The following LRRC4C variants were observed in gnomAD, a reference collection of about 807,000 sequenced individuals.
LRRC4C encodes the protein leucine-rich repeat-containing protein 4C.
LRRC4C carries 5 observed loss-of-function variants against 33.6 expected under a neutral mutation model. The observed-to-expected ratio is 0.15, with a 90% CI of 0.08 to 0.31. The LOEUF (loss-of-function observed/expected upper bound fraction) is 0.31. LRRC4C is among the 10% of genes least tolerant of loss of function. The probability of loss-of-function intolerance (pLI) is 1.00; values close to 1 mark genes in which losing one functional copy is unlikely to be tolerated. For synonymous variants in LRRC4C, 329 were observed against 302.0 expected, an observed-to-expected ratio of 1.09 and a Z score of -0.93; for missense variants, 560 against 796.7, an observed-to-expected ratio of 0.70 and a Z score of 3.58.
chr11:41,185,792 T>C (rs956469866), intron 1 of LRRC4C, among the ~76,000 whole-genome samples: 5 of 151,732 alleles, frequency 3.3e-5, no homozygotes, highest in Admixed American at 3.3e-4. Flanking sequence ...TTCTAAACTA[T>C]AGAAAAAAGT....
chr11:40,835,741 A>C (rs1038176646), intron 2 of LRRC4C, among the ~76,000 whole-genome samples: 3 of 152,202 alleles, frequency 2.0e-5, no homozygotes, highest in African/African-American at 7.2e-5. Context: ...GTATATTTAC[A>C]AAACACCAAA....
intron 2 of LRRC4C, among the ~76,000 whole-genome samples, chr11:40,918,761 T>C (rs61886622): frequency 0.066 from 10,109 of 152,228 alleles, 448 homozygotes; most frequent in Non-Finnish European, 0.1. Flanking sequence ...GCTGGGCCTA[T>C]AGCATGGGTC....
At chr11:40,221,823 T>C (rs558231229) in intron 5 of LRRC4C, among the ~76,000 whole-genome samples, 4 of 152,200 alleles carry the variant, frequency 2.6e-5, no homozygotes, top group African/African-American at 9.6e-5. Context: ...TACCCCCTGC[T>C]TGCTCAATCG....
At chr11:41,014,878 G>A (rs1292786124) in intron 1 of LRRC4C, among the ~76,000 whole-genome samples, 1 of 151,742 alleles carries the variant, frequency 6.6e-6, no homozygotes, top group East Asian at 1.9e-4. Context: ...TTTAGTTGAG[G>A]AAACTCGGAT....
Position 40,343,030 on chromosome 11 carries a change from A to T in LRRC4C, c.-269-23309T>A, listed in dbSNP as rs183036230. Among the ~76,000 whole-genome samples, 1,461 of 151,270 alleles carry T rather than the reference A, an allele frequency of 9.7e-3. 23 individuals are homozygous for T. Among genetic ancestry groups the T allele is most frequent in the African/African-American group, 0.035 (1,411 of 40,898 alleles). On this transcript the variant is annotated intron_variant, in intron 3 of 6. Transcript: ENST00000528697. ...TACCGCATTTTTTTATTTTATATAT[A>T]TATTTTTTGCCTAATGTAATGCCTA...
In LRRC4C at chr11:40,974,641, G is replaced by A. The variant is rs574856427; in HGVS notation, c.-495-40918C>T. Among the ~76,000 whole-genome samples, 3 of 152,290 alleles carry A rather than the reference G, an allele frequency of 2.0e-5. No individual in the cohort carries two copies. In the South Asian group the frequency reaches 6.2e-4, roughly 32 times the overall value. On this transcript the variant is annotated intron_variant, in intron 1 of 6. Transcript: ENST00000528697. ...TTGACTGAATTCAGAAATACGTAGG[G>A]AATTGGTAAAGCATTACACTTAGGT... is the stretch of plus-strand genomic sequence containing the variant.
intron 3 of LRRC4C, among the ~76,000 whole-genome samples, chr11:40,465,711 A>T (rs1399741391): frequency 6.6e-6 from 1 of 152,038 alleles, no homozygotes; most frequent in Non-Finnish European, 1.5e-5. Context: ...CAACGTTATT[A>T]ATCACCAGAG....
Position 41,148,923 on chromosome 11 carries a change from C to G in LRRC4C, c.-495-215200G>C, listed in dbSNP as rs569632879. ...ACCAAGAAGTTACCGAATCATAGCA[C>G]CAGCTAAATCTGCATCCCTCCTTGG... On this transcript the variant is annotated intron_variant, in intron 1 of 6. Transcript: ENST00000528697. 3.3e-5 allele frequency among the ~76,000 whole-genome samples: 5 copies of G among 152,232 alleles called. No homozygotes were observed. The South Asian group carries it at 8.3e-4, about 25-fold the overall frequency.
chr11:40,607,963 C>G (rs1490996136), intron 3 of LRRC4C, among the ~76,000 whole-genome samples: 1 of 152,064 alleles, frequency 6.6e-6, no homozygotes, highest in African/African-American at 2.4e-5. Flanking sequence ...AGAAGCAAGC[C>G]ACTTCTCCTG....
At chr11:40,547,191 G>C (rs1375665563) in intron 3 of LRRC4C, among the ~76,000 whole-genome samples, 1 of 152,106 alleles carries the variant, frequency 6.6e-6, no homozygotes, top group East Asian at 1.9e-4. Context: ...ATTCAGCTGA[G>C]AGCACCAGAT....
intron 2 of LRRC4C, among the ~76,000 whole-genome samples, chr11:40,911,465 A>C (rs1276281439): frequency 6.6e-6 from 1 of 152,228 alleles, no homozygotes; most frequent in Non-Finnish European, 1.5e-5. Context: ...GCAAACTCCA[A>C]CAGACCTACA....
chr11:40,333,395 A>C (rs1310538528), intron 3 of LRRC4C, among the ~76,000 whole-genome samples: 2 of 152,114 alleles, frequency 1.3e-5, no homozygotes, highest in East Asian at 3.9e-4. Context: ...ACTATTTACG[A>C]GTGAAAAATT....
intron 1 of LRRC4C, among the ~76,000 whole-genome samples, chr11:41,304,313 T>A (rs1340150144): frequency 1.0e-5 from 1 of 97,824 alleles, no homozygotes; most frequent in Non-Finnish European, 2.1e-5. Context: ...GAGGAGCCCC[T>A]CTGCCCGGCC....
chr11:40,584,591 C>A (rs1285253120), intron 3 of LRRC4C, among the ~76,000 whole-genome samples: 1 of 151,998 alleles, frequency 6.6e-6, no homozygotes, highest in East Asian at 1.9e-4. Context: ...AACTGGCACA[C>A]AGTAAGAGAG....
At chr11:40,486,775 A>C (rs1953885251) in intron 3 of LRRC4C, among the ~76,000 whole-genome samples, 1 of 152,086 alleles carries the variant, frequency 6.6e-6, no homozygotes. Flanking sequence ...CTAATATTTT[A>C]AAATTCTTTC....
intron 1 of LRRC4C, among the ~76,000 whole-genome samples, chr11:41,270,533 C>T (rs1949286563): frequency 6.6e-6 from 1 of 152,040 alleles, no homozygotes; most frequent in Non-Finnish European, 1.5e-5. Context: ...CTCTTGGGGT[C>T]TGCCTCTTAG....
chr11:41,210,244 A>G (rs1170786437), intron 1 of LRRC4C, among the ~76,000 whole-genome samples: 5 of 152,042 alleles, frequency 3.3e-5, no homozygotes, highest in Non-Finnish European at 7.4e-5. Flanking sequence ...CCCAAATCTC[A>G]TCTTGAATTG....
chr11:40,361,135 C>CT (rs1400611916), intron 3 of LRRC4C, among the ~76,000 whole-genome samples: 16 of 152,226 alleles, frequency 1.1e-4, no homozygotes, highest in African/African-American at 3.6e-4. Flanking sequence ...CCATAACTAA[C>CT]ATCATACTAA....
At chr11:40,653,558 G>A (rs1942930961) in intron 2 of LRRC4C, among the ~76,000 whole-genome samples, 1 of 152,184 alleles carries the variant, frequency 6.6e-6, no homozygotes, top group Non-Finnish European at 1.5e-5. Context: ...GGTAACTTGG[G>A]TTCTCTTAGA....
Sources: gnomAD v4.1 joint callset for allele counts (sites outside exome capture counted in the v4.1 genomes callset) on GRCh38, gnomAD v4.1.1 for gene constraint, MANE v1.5 for transcripts, NCBI Gene and HGNC (gene_info 2026-07-23, HGNC 2026-07-21) for gene names.